Variants in LATS1 observed in about 807,000 individuals in gnomAD.
LATS1 encodes large tumor suppressor kinase 1, also known as serine/threonine-protein kinase LATS1.
LATS1 carries 25 observed loss-of-function variants against 106.6 expected under a neutral mutation model. The ratio of observed to expected loss-of-function variants is 0.23; its 90% CI spans 0.17 to 0.33. The LOEUF (loss-of-function observed/expected upper bound fraction) is 0.33, where lower values mean the gene tolerates loss of function less well. Among genes scored for constraint, LATS1 ranks in the 10% least tolerant of loss-of-function variants. The probability of loss-of-function intolerance (pLI) is 1.00; values close to 1 mark genes in which losing one functional copy is unlikely to be tolerated. For missense variants in LATS1, 1,040 were observed against 1,382.6 expected (o/e 0.75, Z 3.93); for synonymous variants, 465 against 455.6 (o/e 1.02, Z -0.26).
chr6:149,702,376 T>C (rs1258243441), intron 1 of LATS1, 110 bp from the exon 2 acceptor site: 1 of 355,526 alleles, frequency 2.8e-6, no homozygotes, highest in Non-Finnish European at 5.1e-6. Flanking sequence ...GTTATAGTTC[T>C]GACTCCATTA....
At chr6:149,685,661 C>G (rs1006810409) in intron 3 of LATS1, among the ~76,000 whole-genome samples, 5 of 152,148 alleles carry the variant, frequency 3.3e-5, no homozygotes, top group Middle Eastern at 3.2e-3. Context: ...GCTGGGATTA[C>G]AGGTGTGAGC....
At chr6:149,683,002 C>T (rs1782141954) in intron 4 of LATS1, 77 bp downstream of exon 4, 2 of 1,147,824 alleles carry the variant, frequency 1.7e-6, no homozygotes, top group African/African-American at 3.1e-5. Context: ...AAGAAAAATA[C>T]TGGACACAAT....
chr6:149,670,240 T>C (rs1781377870), intron 7 of LATS1, among the ~76,000 whole-genome samples: 2 of 146,186 alleles, frequency 1.4e-5, no homozygotes, highest in Admixed American at 6.8e-5. Context: ...ATATATTTTG[T>C]AGTCACTAGA....
At chr6:149,713,104 A>G (rs2115024943) in intron 1 of LATS1, among the ~76,000 whole-genome samples, 2 of 152,258 alleles carry the variant, frequency 1.3e-5, no homozygotes, top group Middle Eastern at 6.8e-3. Context: ...TTCCAAAGAG[A>G]GAATACTCAC....
At chr6:149,706,697 C>T (rs1783792272) in intron 1 of LATS1, among the ~76,000 whole-genome samples, 1 of 152,008 alleles carries the variant, frequency 6.6e-6, no homozygotes, top group African/African-American at 2.4e-5. Flanking sequence ...CTGATTCACA[C>T]AGAAAAAGGA....
intron 2 of LATS1, among the ~76,000 whole-genome samples, chr6:149,699,480 A>T (rs1783314280): frequency 6.6e-6 from 1 of 152,108 alleles, no homozygotes; most frequent in Non-Finnish European, 1.5e-5. Flanking sequence ...TTAATAAAAA[A>T]AAAAAATAAA....
intron 2 of LATS1, chr6:149,697,164 C>T (rs1783145742): frequency 7.5e-7 from 1 of 1,341,144 alleles, no homozygotes; most frequent in South Asian, 1.1e-5. Flanking sequence ...AATGGGTGAA[C>T]AGGCTACTGA....
intron 1 of LATS1, among the ~76,000 whole-genome samples, chr6:149,714,192 G>C (rs1784261773): frequency 6.6e-6 from 1 of 151,886 alleles, no homozygotes; most frequent in Non-Finnish European, 1.5e-5. Flanking sequence ...GGTTGGTCTT[G>C]AACTCCTGAC....
intron 1 of LATS1, among the ~76,000 whole-genome samples, chr6:149,711,724 T>C (rs964878157): frequency 6.6e-6 from 1 of 152,148 alleles, no homozygotes; most frequent in Non-Finnish European, 1.5e-5. Context: ...TGGTCAAGGA[T>C]GATCATTAAA....
At chr6:149,698,022 G>T (rs142169566) in intron 2 of LATS1, among the ~76,000 whole-genome samples, 3 of 152,142 alleles carry the variant, frequency 2.0e-5, no homozygotes, top group Non-Finnish European at 4.4e-5. Flanking sequence ...TTACCGGTGT[G>T]AGCCACCACA....
At chr6:149,702,887 C>G (rs1783542944) in intron 1 of LATS1, among the ~76,000 whole-genome samples, 1 of 151,416 alleles carries the variant, frequency 6.6e-6, no homozygotes, top group South Asian at 2.1e-4. Context: ...GTTGGCCAGG[C>G]TGGTCTTGAA....
intron 3 of LATS1, among the ~76,000 whole-genome samples, chr6:149,685,112 C>A (rs1782293580): frequency 6.6e-6 from 1 of 151,978 alleles, no homozygotes; most frequent in African/African-American, 2.4e-5. Context: ...GTGGTGTGCA[C>A]CTGTAGTCCC....
Position 149,661,673 on chromosome 6 carries a change from A to G in LATS1, c.*56T>C. The G allele has an allele frequency of 1.4e-6, 2 of 1,457,908 alleles. No homozygotes were observed. Among genetic ancestry groups the G allele is most frequent in the Admixed American group, 4.7e-5 (2 of 42,236 alleles). 90.3% of individuals were successfully genotyped at this position (1,457,908 alleles called of 1,614,324 possible). A position where few individuals can be genotyped will look rare whatever the true frequency, so the allele number is the denominator to read the frequency against. ...ATAATTTTACTCTCAGAACCTCAAA[A>G]CACCTCGCATTTCAGGCCCTTTTAC... On this transcript the variant is annotated 3_prime_UTR_variant, in exon 8 of 8. Coordinates refer to ENST00000543571, the MANE Select transcript of LATS1 (RefSeq NM_004690.4).
rs1182134782 is a variant in LATS1 at position 149,660,116 on chromosome 6, C to T, written c.*1613G>A. ...CAGCCTGTGATAGGTTTCAATATGT[C>T]CAAAATCCCTTGAAACTGCATGCAA... On this transcript the variant is annotated 3_prime_UTR_variant, in exon 8 of 8. Coordinates refer to ENST00000543571, the MANE Select transcript of LATS1 (RefSeq NM_004690.4). The T allele has an allele frequency of 8.6e-6, 2 of 232,338 alleles. No individual in the cohort carries two copies. The highest frequency in any genetic ancestry group is 3.6e-4 in the South Asian group (2 of 5,526). The allele number at this position is 232,338 out of a possible 1,614,324, so 14.4% of individuals were successfully genotyped here.
intron 2 of LATS1, chr6:149,697,330 T>C: frequency 2.5e-6 from 1 of 404,198 alleles, no homozygotes; most frequent in South Asian, 1.9e-5. Context: ...CATAAAAATT[T>C]TGCCATGCCT....
chr6:149,687,848 G>T (rs1278997881), intron 3 of LATS1, among the ~76,000 whole-genome samples: 1 of 147,980 alleles, frequency 6.8e-6, no homozygotes, highest in Non-Finnish European at 1.5e-5. Context: ...GATTACAGGC[G>T]TGAGCCACCG....
intron 3 of LATS1, among the ~76,000 whole-genome samples, chr6:149,690,964 A>T (rs190588017): frequency 3.2e-4 from 48 of 151,668 alleles, no homozygotes; most frequent in Non-Finnish European, 6.5e-4. Flanking sequence ...TAACATCCTC[A>T]CTCTCTCCTC....
At chr6:149,715,997 T>A (rs932984107) in intron 1 of LATS1, among the ~76,000 whole-genome samples, 71 of 152,182 alleles carry the variant, frequency 4.7e-4, no homozygotes, top group African/African-American at 1.7e-3. Flanking sequence ...TTTAATCTCA[T>A]GGTTAAAGTA....
At position 149,660,238 on chromosome 6, in the gene LATS1, C is replaced by G. The variant is rs1335740332; in HGVS notation, c.*1491G>C. ...ACTAACCCCAAAAGACGCACGATAA[C>G]ACAGTAGTGGGTTTTCAGGCTGAGC... On this transcript the variant is annotated 3_prime_UTR_variant, in exon 8 of 8. Coordinates refer to ENST00000543571, the MANE Select transcript of LATS1 (RefSeq NM_004690.4). 4.3e-6 allele frequency: 1 copy of G among 232,660 alleles called. No homozygotes were observed. The highest frequency in any genetic ancestry group is 8.5e-6 in the Non-Finnish European group (1 of 117,830). The allele number at this position is 232,660 out of a possible 1,614,324, so 14.4% of individuals were successfully genotyped here.
Sources: gnomAD v4.1 joint callset for allele counts (sites outside exome capture counted in the v4.1 genomes callset) on GRCh38, gnomAD v4.1.1 for gene constraint, MANE v1.5 for transcripts, NCBI Gene and HGNC (gene_info 2026-07-23, HGNC 2026-07-21) for gene names.